Variants in CLCN7 observed in about 807,000 individuals in gnomAD.
CLCN7 encodes Cl-/H+ antiporter 7, also known as H(+)/Cl(-) exchange transporter 7.
In CLCN7, 60 loss-of-function variants were observed where a neutral mutation model predicts 102.1. The observed-to-expected ratio is 0.59, with a 90% CI of 0.48 to 0.73. The LOEUF is 0.73. Among genes scored for constraint, CLCN7 ranks in the 30% least tolerant of loss-of-function variants. The pLI is 0.00. For synonymous variants in CLCN7, 560 were observed against 490.5 expected (o/e 1.14, Z -1.87); for missense variants, 962 against 1,125.7 (o/e 0.85, Z 2.08).
Position 1,450,788 on chromosome 16 carries a change from G to A in CLCN7, c.1448-122C>T, listed in dbSNP as rs905737773. On this transcript the variant is annotated intron_variant, in intron 16 of 24. Coordinates refer to ENST00000382745, the MANE Select transcript of CLCN7 (RefSeq NM_001287.6). ...CAGGAGCCCAGCAACCTGAGCTCCC[G>A]AGCCCAGCGGTCCCCAGAAGGCTCC... 19 of 817,016 alleles carry A rather than the reference G, an allele frequency of 2.3e-5. 1 individual carries two copies. The highest frequency in any genetic ancestry group is 4.1e-5 in the African/African-American group (2 of 48,664). 50.6% of individuals were successfully genotyped at this position (817,016 alleles called of 1,614,324 possible). A position where few individuals can be genotyped will look rare whatever the true frequency, so the allele number is the denominator to read the frequency against.
chr16:1,460,483 A>G lies in CLCN7; in HGVS notation c.529T>C (p.Leu177=), dbSNP rs370670930. The G allele has an allele frequency of 7.4e-6, 12 of 1,613,770 alleles. No homozygotes were observed. The highest frequency in any genetic ancestry group is 1.0e-5 in the Non-Finnish European group (12 of 1,179,996). ...GCGGCGTTCAGCGTGGCCCACAGCA[A>G]CAGGGAGAAGGACAGTCCGCCCTTC... ...TEKGGLSFSL[L]LWATLNAAFV... The change falls in exon 6 of 25, where the codon TTG becomes CTG. Residue 177 remains leucine (L), a synonymous_variant. Transcript: ENST00000382745.
At position 1,465,485 on chromosome 16, in the gene CLCN7, G is replaced by T; in HGVS notation, c.142-147C>A. ...AGGCCAGGCCTGCCTGCTGGGTGGG[G>T]GCAGCAGGGCTGGGACGGGCCTCCC... On this transcript the variant is annotated intron_variant, in intron 1 of 24. Transcript: ENST00000382745. 2 of 750,048 alleles carry T rather than the reference G, an allele frequency of 2.7e-6. 1 individual carries two copies. The highest frequency in any genetic ancestry group is 3.0e-5 in the South Asian group (2 of 67,194). The allele number at this position is 750,048 out of a possible 1,614,324, so 46.5% of individuals were successfully genotyped here. A position where few individuals can be genotyped will look rare whatever the true frequency, so the allele number is the denominator to read the frequency against.
At chr16:1,448,299 C>G in intron 21 of CLCN7, 56 bp downstream of exon 21, 2 of 1,604,432 alleles carry the variant, frequency 1.2e-6, no homozygotes, top group Middle Eastern at 1.7e-4. Flanking sequence ...TGCTTCCCAC[C>G]AATGGACTCG....
In CLCN7 at chr16:1,459,354, C is replaced by A. The variant is rs137884511; in HGVS notation, c.595-167G>T. 8.5e-6 allele frequency: 5 copies of A among 585,670 alleles called. No homozygotes were observed. In the East Asian group the frequency reaches 1.2e-4, roughly 14 times the overall value. The allele number at this position is 585,670 out of a possible 1,614,324, so 36.3% of individuals were successfully genotyped here. A position where few individuals can be genotyped will look rare whatever the true frequency, so the allele number is the denominator to read the frequency against. ...GGGGCCCCAGGGAAGGGAAGAGCAG[C>A]ACACACGTCAGGGCCCCAGGGAAGG... On this transcript the variant is annotated intron_variant, in intron 6 of 24. Coordinates refer to ENST00000382745, the MANE Select transcript of CLCN7 (RefSeq NM_001287.6).
intron 4 of CLCN7, 65 bp downstream of exon 4, chr16:1,461,340 C>A: frequency 7.1e-7 from 1 of 1,411,830 alleles, no homozygotes; most frequent in Non-Finnish European, 9.8e-7. Context: ...AGAAGAGCAG[C>A]CCCAGGCCCG....
chr16:1,464,394 A>C (rs1002249516), intron 2 of CLCN7, among the ~76,000 whole-genome samples: 1 of 152,220 alleles, frequency 6.6e-6, no homozygotes, highest in East Asian at 1.9e-4. Flanking sequence ...AAGGCTTTGA[A>C]GTCCAAAAAG....
At position 1,447,372 on chromosome 16, in the gene CLCN7, T is replaced by C. The variant is rs28550044; in HGVS notation, c.2250+20A>G. 5,744 of 1,508,706 alleles carry C rather than the reference T, an allele frequency of 3.8e-3. 189 individuals are homozygous for C. The African/African-American group carries it at 0.068, about 18-fold the overall frequency. 93.5% of individuals were successfully genotyped at this position (1,508,706 alleles called of 1,614,324 possible). A position where few individuals can be genotyped will look rare whatever the true frequency, so the allele number is the denominator to read the frequency against. On this transcript the variant is annotated intron_variant, in intron 23 of 24. Coordinates refer to ENST00000382745, the MANE Select transcript of CLCN7 (RefSeq NM_001287.6). Reference sequence around the variant, plus strand: ...TGTTCAGTCCCAGGCCCCACGCCCATGCCCATGCCCTGCACATGCCTGGGG... The same window carrying C: ...TGTTCAGTCCCAGGCCCCACGCCCACGCCCATGCCCTGCACATGCCTGGGG...
chr16:1,460,382 T>C (rs1376070695), intron 6 of CLCN7, 36 bp downstream of exon 6: 3 of 1,477,118 alleles, frequency 2.0e-6, no homozygotes, highest in Non-Finnish European at 2.8e-6. Flanking sequence ...CAATCCTTCA[T>C]GGGGTCCGCC....
intron 1 of CLCN7, among the ~76,000 whole-genome samples, chr16:1,469,617 C>G (rs1181069979): frequency 1.3e-5 from 2 of 152,174 alleles, no homozygotes; most frequent in Admixed American, 1.3e-4. Context: ...ACCCAATAGG[C>G]AGAGGTCGTG....
chr16:1,473,704 G>T (rs1009670828), intron 1 of CLCN7, among the ~76,000 whole-genome samples: 8 of 151,894 alleles, frequency 5.3e-5, no homozygotes, highest in Non-Finnish European at 8.8e-5. Context: ...CAAGACAAGT[G>T]TTTAAAGGAC....
rs2038927914 is a variant in CLCN7 at position 1,461,024 on chromosome 16, C to T, written c.352-76G>A. 5.1e-6 allele frequency: 8 copies of T among 1,562,232 alleles called. No homozygotes were observed. The Admixed American group carries it at 1.4e-4, about 28-fold the overall frequency. On this transcript the variant is annotated intron_variant, in intron 4 of 24. Coordinates refer to ENST00000382745, the MANE Select transcript of CLCN7 (RefSeq NM_001287.6). Reference sequence around the variant, plus strand: ...TCTGGCAGCAGCAGGACCGCCCAGACCGCCTGCAGGCCCCGGGATTATGAA... The same window carrying T: ...TCTGGCAGCAGCAGGACCGCCCAGATCGCCTGCAGGCCCCGGGATTATGAA...
Position 1,450,506 on chromosome 16 carries a change from C to T in CLCN7, c.1608G>A (p.Thr536=), listed in dbSNP as rs372260063. The T allele has an allele frequency of 1.2e-4, 192 of 1,604,432 alleles. No individual in the cohort carries two copies. The highest frequency in any genetic ancestry group is 5.1e-4 in the Admixed American group (30 of 58,704). The change falls in exon 17 of 25, where the codon ACG becomes ACA. Residue 536 remains threonine (T), a synonymous_variant. Transcript: ENST00000382745. The stretch of plus-strand genomic sequence containing the variant: ...CTCCGGCCCCACTCACCGCCGCCCC[C>T]GTGAGGTAGGACAGGGAGATCCCAA... The part of the protein sequence containing the change: ...RLFGISLSYL[T]GAAIWADPGK...
chr16:1,457,911 T>C lies in CLCN7; in HGVS notation c.676-155A>G, dbSNP rs946401872. ...AGCACCCCCAGGCTGGGTCTCCCCA[T>C]GGCCACAGTGGAGCTAAACAGCAGC... On this transcript the variant is annotated intron_variant, in intron 7 of 24. Transcript: ENST00000382745. The surrounding 1 kb of genome is among the most constrained non-coding windows in gnomAD (Gnocchi z 5.4). 2.0e-5 allele frequency among the ~76,000 whole-genome samples: 3 copies of C among 152,156 alleles called. No individual in the cohort carries two copies. The highest frequency in any genetic ancestry group is 7.2e-5 in the African/African-American group (3 of 41,454).
chr16:1,465,823 G>A (rs1037919338), intron 1 of CLCN7, among the ~76,000 whole-genome samples: 3 of 152,192 alleles, frequency 2.0e-5, no homozygotes, highest in Non-Finnish European at 4.4e-5. Flanking sequence ...CCCACAGGAC[G>A]CCCAGCTGTC....
In CLCN7 at chr16:1,474,879, C is replaced by T; in HGVS notation, c.96G>A (p.Gly32=). The T allele has an allele frequency of 6.9e-7, 1 of 1,447,228 alleles. No homozygotes were observed. The allele number at this position is 1,447,228 out of a possible 1,614,324, so 89.6% of individuals were successfully genotyped here. The stretch of plus-strand genomic sequence containing the variant: ...CAGCCCCGTTCAGCAGCGGCGTCCC[C>T]CCGCCGGGCCGCGCCGTCCTCCGCA... ...PLLRRTARPG[G]GTPLLNGAGP... is the part of the protein sequence containing the mutation. The change falls in exon 1 of 25, where the codon GGG becomes GGA. Residue 32 remains glycine, a synonymous_variant. Coordinates refer to ENST00000382745, the MANE Select transcript of CLCN7 (RefSeq NM_001287.6).
At chr16:1,461,536 G>A in intron 3 of CLCN7, 66 bp from the exon 4 acceptor site, 1 of 1,607,350 alleles carries the variant, frequency 6.2e-7, no homozygotes, top group Non-Finnish European at 8.5e-7. Flanking sequence ...GGGCACAGGG[G>A]ACCGGGAGTG....
chr16:1,465,938 T>C (rs1366947844), intron 1 of CLCN7, among the ~76,000 whole-genome samples: 1 of 152,186 alleles, frequency 6.6e-6, no homozygotes, highest in African/African-American at 2.4e-5. Context: ...AGATGTGACT[T>C]ACGGAGCTCC....
At chr16:1,449,223 C>T (rs1402473033) in intron 18 of CLCN7, 53 bp downstream of exon 18, 5 of 1,566,350 alleles carry the variant, frequency 3.2e-6, no homozygotes, top group Non-Finnish European at 4.3e-6. Flanking sequence ...CAGCCATGGC[C>T]CCCTCCAGAC....
rs1355998152 is a variant in CLCN7, at chr16:1,446,360, A to G, written c.*271T>C. 4.3e-6 allele frequency: 3 copies of G among 702,110 alleles called. No individual in the cohort carries two copies. In the East Asian group the frequency reaches 8.0e-5, roughly 19 times the overall value. 43.5% of individuals were successfully genotyped at this position (702,110 alleles called of 1,614,324 possible). A position where few individuals can be genotyped will look rare whatever the true frequency, so the allele number is the denominator to read the frequency against. Reference sequence around the variant, plus strand: ...CCCGGTAGGGAGGTCACACACACACAGCTGATCCCTGGAGGTAAAGAAACC... The same window carrying G: ...CCCGGTAGGGAGGTCACACACACACGGCTGATCCCTGGAGGTAAAGAAACC... On this transcript the variant is annotated 3_prime_UTR_variant, in exon 25 of 25. Coordinates refer to ENST00000382745, the MANE Select transcript of CLCN7 (RefSeq NM_001287.6).
Sources: gnomAD v4.1 joint callset for allele counts (sites outside exome capture counted in the v4.1 genomes callset) on GRCh38, gnomAD v4.1.1 for gene constraint, Gnocchi (gnomAD v3.1) non-coding constraint, MANE v1.5 for transcripts, NCBI Gene and HGNC (gene_info 2026-07-23, HGNC 2026-07-21) for gene names.